Variants in HIRA observed in about 807,000 individuals in gnomAD.
HIRA encodes the protein histone cell cycle regulator.
In HIRA, 13 loss-of-function variants were observed where a neutral mutation model predicts 126.6. The observed-to-expected ratio is 0.10, with a 90% CI of 0.07 to 0.16. The LOEUF is 0.16. HIRA is among the 10% of genes least tolerant of loss of function. The pLI is 1.00. For missense variants in HIRA, 834 were observed against 1,314.4 expected, an observed-to-expected ratio of 0.63 and a Z score of 5.65; for synonymous variants, 511 against 520.0, an observed-to-expected ratio of 0.98 and a Z score of 0.24.
intron 20 of HIRA, 40 bp downstream of exon 20, chr22:19,356,190 G>T: frequency 6.3e-7 from 1 of 1,581,660 alleles, no homozygotes. Flanking sequence ...CATGAACTTG[G>T]GCCCCCAAAA....
At chr22:19,360,667 A>G (rs902384730) in intron 17 of HIRA, among the ~76,000 whole-genome samples, 4 of 152,208 alleles carry the variant, frequency 2.6e-5, no homozygotes, top group African/African-American at 9.6e-5. Context: ...TGACGGCACC[A>G]TGGCAGGAGA....
At chr22:19,422,234 T>C (rs1052969167) in intron 1 of HIRA, among the ~76,000 whole-genome samples, 3 of 146,014 alleles carry the variant, frequency 2.1e-5, no homozygotes, top group African/African-American at 7.6e-5. Flanking sequence ...TACATATACA[T>C]ATAAACACAT....
chr22:19,407,109 G>T lies in HIRA; in HGVS notation c.302+75C>A, dbSNP rs570335515. The T allele has an allele frequency of 3.4e-4, 413 of 1,208,126 alleles. 1 individual carries two copies. In the African/African-American group the frequency reaches 5.7e-3, roughly 17 times the overall value. The allele number at this position is 1,208,126 out of a possible 1,614,324, so 74.8% of individuals were successfully genotyped here. ...TATGGGAACTTCAGTGACAGGGTAG[G>T]GAAAGGTGACTTTGATAAAGACCAG... On this transcript the variant is annotated intron_variant, in intron 4 of 24. Transcript: ENST00000263208.
In HIRA at chr22:19,409,502, C is replaced by T. The variant is rs537768002; in HGVS notation, c.101-909G>A. ...TTTCGCCATGTTGGCCAGGCTGATT[C>T]GAACTCCTGACCTCAGATGATTCGC... is the stretch of plus-strand genomic sequence containing the variant. On this transcript the variant is annotated intron_variant, in intron 2 of 24. Coordinates refer to ENST00000263208, the MANE Select transcript of HIRA (RefSeq NM_003325.4). Among the ~76,000 whole-genome samples the T allele has an allele frequency of 5.3e-5, 8 of 152,180 alleles. No homozygotes were observed. The South Asian group carries it at 1.0e-3, about 20-fold the overall frequency.
chr22:19,354,222 C>G, intron 21 of HIRA, 104 bp from the exon 22 acceptor site: 1 of 1,196,794 alleles, frequency 8.4e-7, no homozygotes, highest in Non-Finnish European at 1.1e-6. Flanking sequence ...AGAAGCAGCC[C>G]CTGCCGACAC....
chr22:19,431,294 A>C, intron 1 of HIRA, 146 bp downstream of exon 1: 2 of 897,920 alleles, frequency 2.2e-6, no homozygotes, highest in South Asian at 1.3e-5. Context: ...GCTGAGGACA[A>C]AGTCCGCTCC....
chr22:19,404,574 T>C (rs2089294042), intron 5 of HIRA, among the ~76,000 whole-genome samples: 2 of 152,168 alleles, frequency 1.3e-5, no homozygotes, highest in South Asian at 2.1e-4. Flanking sequence ...TGTTCTCCTT[T>C]TAACAGTCTA....
At chr22:19,368,369 T>C (rs1192387782) in intron 15 of HIRA, among the ~76,000 whole-genome samples, 1 of 152,234 alleles carries the variant, frequency 6.6e-6, no homozygotes, top group African/African-American at 2.4e-5. Flanking sequence ...AGCATCCATC[T>C]GTGGGTGTAG....
At chr22:19,345,476 C>T (rs1355936122) in intron 24 of HIRA, among the ~76,000 whole-genome samples, 15 of 152,228 alleles carry the variant, frequency 9.9e-5, no homozygotes, top group Admixed American at 7.8e-4. Flanking sequence ...ACCTCTCTGG[C>T]CACTGCCACA....
At chr22:19,411,451 G>C (rs367717667) in intron 1 of HIRA, among the ~76,000 whole-genome samples, 7 of 152,222 alleles carry the variant, frequency 4.6e-5, no homozygotes, top group Admixed American at 3.3e-4. Flanking sequence ...GGGTGGATCA[G>C]ACCGGCAAAA....
At chr22:19,343,801 C>A (rs1425282809) in intron 24 of HIRA, among the ~76,000 whole-genome samples, 12 of 151,324 alleles carry the variant, frequency 7.9e-5, no homozygotes, top group Admixed American at 6.6e-4. Context: ...GTGGTGCACG[C>A]CTGTAATCCC....
chr22:19,384,946 G>A (rs977541686), intron 12 of HIRA, among the ~76,000 whole-genome samples: 5 of 151,980 alleles, frequency 3.3e-5, no homozygotes, highest in South Asian at 2.1e-4. Context: ...GAGCCACTGC[G>A]CCTGGCCTGA....
At position 19,356,250 on chromosome 22, in the gene HIRA, G is replaced by C. The variant is rs782559269; in HGVS notation, c.2435C>G (p.Ser812Cys). 5 of 1,614,060 alleles carry C rather than the reference G, an allele frequency of 3.1e-6. No individual in the cohort carries two copies. The Admixed American group carries it at 6.7e-5, about 22-fold the overall frequency. The stretch of plus-strand genomic sequence containing the variant: ...ATTACCTGCCAGGATGGAGTGTAGA[G>C]ACTCTTCTTTCACCACAACCACCTG... The part of the protein sequence containing the change: ...HRQVVVVKEE[S>C]LHSILAGSDM... The change falls in exon 20 of 25, where the codon TCT becomes TGT. Residue 812 changes from serine to cysteine, a missense_variant. Physicochemically the swap from Ser to Cys is moderately radical, Grantham distance 112. This residue lies in a region of HIRA where 468 missense variants were observed against 574.2 expected (regional missense o/e 0.82). Transcript: ENST00000263208.
At chr22:19,361,395 T>C in intron 16 of HIRA, 54 bp from the exon 17 acceptor site, 1 of 1,498,794 alleles carries the variant, frequency 6.7e-7, no homozygotes, top group African/African-American at 1.4e-5. Flanking sequence ...GGGGTAGCAT[T>C]TGGTAAAGGC....
rs748300564 is a variant in HIRA at position 19,378,089 on chromosome 22, G to A, written c.1416-23C>T. On this transcript the variant is annotated intron_variant, in intron 13 of 24. Transcript: ENST00000263208. ...TCCCTGTCATCAAGTAAGAACAAAA[G>A]TCAGCCTTGAAAGTCAGGTGCCACA... 4 of 1,507,530 alleles carry A rather than the reference G, an allele frequency of 2.7e-6. No individual in the cohort carries two copies. In the African/African-American group the frequency reaches 5.6e-5, roughly 21 times the overall value. The allele number at this position is 1,507,530 out of a possible 1,614,324, so 93.4% of individuals were successfully genotyped here.
chr22:19,358,791 C>T (rs1193314873), intron 18 of HIRA, among the ~76,000 whole-genome samples: 1 of 152,126 alleles, frequency 6.6e-6, no homozygotes, highest in African/African-American at 2.4e-5. Flanking sequence ...CATTGGTTCC[C>T]CTTCCACATT....
In HIRA at chr22:19,385,587, C is replaced by T. The variant is rs1465527106; in HGVS notation, c.1263G>A (p.Arg421=). 1 of 1,614,180 alleles carries T rather than the reference C, an allele frequency of 6.2e-7. No homozygotes were observed. Among genetic ancestry groups the T allele is most frequent in the East Asian group, 2.2e-5 (1 of 44,888 alleles). The change falls in exon 12 of 25, where the codon AGG becomes AGA. Residue 421 remains arginine (R), a synonymous_variant. Transcript: ENST00000263208. ...CGACTGAGGTGGCTGAGCCCATCTC[C>T]CTGGTCGCAGCACTCTTCTGGTCCA... The part of the protein sequence containing the change: ...QQLDQKSAAT[R]EMGSATSVAG...
chr22:19,420,620 C>T (rs760507864), intron 1 of HIRA, among the ~76,000 whole-genome samples: 2 of 152,004 alleles, frequency 1.3e-5, no homozygotes, highest in African/African-American at 4.8e-5. Context: ...AGTATCTGCA[C>T]AGGAGGATTG....
intron 6 of HIRA, 72 bp downstream of exon 6, chr22:19,397,920 C>T (rs2089236338): frequency 3.7e-6 from 4 of 1,094,230 alleles, no homozygotes; most frequent in Admixed American, 1.9e-5. Context: ...ACTAAGGAGA[C>T]AGCCCAACCC....
Sources: gnomAD v4.1 joint callset for allele counts (sites outside exome capture counted in the v4.1 genomes callset) on GRCh38, gnomAD v4.1.1 for gene constraint, gnomAD v4.1.1 regional missense constraint, MANE v1.5 for transcripts, NCBI Gene and HGNC (gene_info 2026-07-23, HGNC 2026-07-21) for gene names.